The following SAMD12 variants were observed in gnomAD, a reference collection of about 807,000 sequenced individuals.
SAMD12 encodes sterile alpha motif domain containing 12, also known as sterile alpha motif domain-containing protein 12.
A neutral mutation model predicts 15.0 loss-of-function variants in SAMD12; 9 were observed. The ratio of observed to expected loss-of-function variants is 0.60; its 90% confidence interval spans 0.36 to 1.05. The LOEUF (loss-of-function observed/expected upper bound fraction) is 1.05, where lower values mean the gene tolerates loss of function less well. SAMD12 is among the 50% of genes least tolerant of loss of function. The pLI is 0.01. For missense variants in SAMD12, 230 were observed against 234.2 expected, an observed-to-expected ratio of 0.98 and a Z score of 0.12; for synonymous variants, 86 against 90.1, an observed-to-expected ratio of 0.96 and a Z score of 0.25.
chr8:118,489,527 C>T (rs535566373), intron 2 of SAMD12, among the ~76,000 whole-genome samples: 4 of 152,084 alleles, frequency 2.6e-5, no homozygotes, highest in African/African-American at 7.2e-5. Flanking sequence ...TCTAAACAAA[C>T]TCAAATAGAT....
At chr8:118,619,291 C>T (rs1156374068) in intron 1 of SAMD12, among the ~76,000 whole-genome samples, 1 of 151,992 alleles carries the variant, frequency 6.6e-6, no homozygotes, top group African/African-American at 2.4e-5. Context: ...TCCTGGCTAA[C>T]ATGGTGAAAC....
intron 4 of SAMD12, among the ~76,000 whole-genome samples, chr8:118,350,979 T>A (rs1383425549): frequency 6.6e-6 from 1 of 152,212 alleles, no homozygotes; most frequent in African/African-American, 2.4e-5. Context: ...TTTGATCACA[T>A]CCCATCATCT....
chr8:118,385,220 A>G (rs937639683), intron 3 of SAMD12, among the ~76,000 whole-genome samples: 1 of 152,132 alleles, frequency 6.6e-6, no homozygotes, highest in African/African-American at 2.4e-5. Flanking sequence ...GGATGGGATT[A>G]AAATTTAAAT....
At chr8:118,491,447 T>C (rs890346871) in intron 2 of SAMD12, among the ~76,000 whole-genome samples, 1 of 152,174 alleles carries the variant, frequency 6.6e-6, no homozygotes, top group Non-Finnish European at 1.5e-5. Context: ...TTATTCATCA[T>C]TGCATTCTTG....
chr8:118,535,897 G>A (rs145610336), intron 2 of SAMD12, among the ~76,000 whole-genome samples: 2,685 of 152,288 alleles, frequency 0.018, 77 homozygotes, highest in African/African-American at 0.057. Flanking sequence ...TGCACTTCCC[G>A]GGTGAGGCAA....
chr8:118,152,540 C>G, the SAMD12 span, among the ~76,000 whole-genome samples: 2 of 148,436 alleles, frequency 1.3e-5, no homozygotes, highest in Non-Finnish European at 3.0e-5. Context: ...GTTCTTGTGC[C>G]CAGGTTAGAG....
At chr8:118,387,010 T>G (rs1819998614) in intron 3 of SAMD12, among the ~76,000 whole-genome samples, 2 of 152,208 alleles carry the variant, frequency 1.3e-5, no homozygotes. Flanking sequence ...TGGCCCTTTG[T>G]GCACTGGGTT....
intron 2 of SAMD12, among the ~76,000 whole-genome samples, chr8:118,477,033 G>A (rs1016653774): frequency 3.3e-5 from 5 of 151,458 alleles, no homozygotes; most frequent in Non-Finnish European, 5.9e-5. Context: ...TTACAGCACC[G>A]AGATGGACCA....
intron 1 of SAMD12, among the ~76,000 whole-genome samples, chr8:118,596,020 C>G (rs971830093): frequency 1.3e-5 from 2 of 152,156 alleles, no homozygotes; most frequent in African/African-American, 4.8e-5. Flanking sequence ...GGGAGTTAAA[C>G]ATGCTTAAGT....
intron 1 of SAMD12, among the ~76,000 whole-genome samples, chr8:118,586,692 C>T (rs1827455850): frequency 6.6e-6 from 1 of 152,114 alleles, no homozygotes. Flanking sequence ...CCATGTGTTG[C>T]AAATATTTAT....
chr8:118,365,513 T>C (rs919385807), intron 4 of SAMD12, among the ~76,000 whole-genome samples: 1 of 152,112 alleles, frequency 6.6e-6, no homozygotes, highest in African/African-American at 2.4e-5. Flanking sequence ...CTTTTGCCCT[T>C]GGACACTGTA....
chr8:118,368,931 C>T (rs1393274007), intron 4 of SAMD12, among the ~76,000 whole-genome samples: 1 of 152,164 alleles, frequency 6.6e-6, no homozygotes, highest in African/African-American at 2.4e-5. Flanking sequence ...CCCTTAAAAA[C>T]TAGCTCATCT....
At chr8:118,505,464 T>C (rs562106647) in intron 2 of SAMD12, among the ~76,000 whole-genome samples, 2 of 152,166 alleles carry the variant, frequency 1.3e-5, no homozygotes, top group Non-Finnish European at 2.9e-5. Context: ...GGTTGGCTTC[T>C]ATGAAAACCG....
intron 3 of SAMD12, among the ~76,000 whole-genome samples, chr8:118,381,058 C>G (rs1357369871): frequency 6.6e-6 from 1 of 152,130 alleles, no homozygotes; most frequent in Admixed American, 6.6e-5. Context: ...AAATCATTGG[C>G]CAGAACTAGT....
the SAMD12 span, among the ~76,000 whole-genome samples, chr8:118,168,382 G>A: frequency 2.6e-5 from 4 of 152,104 alleles, no homozygotes; most frequent in African/African-American, 7.2e-5. Context: ...AGGCCCCACC[G>A]TGTCATTAGC....
chr8:118,387,107 A>C (rs1270565700), intron 3 of SAMD12, among the ~76,000 whole-genome samples: 2 of 152,222 alleles, frequency 1.3e-5, no homozygotes, highest in Admixed American at 1.3e-4. Flanking sequence ...GGTCCAGAGC[A>C]GCAGGCATGG....
intron 4 of SAMD12, among the ~76,000 whole-genome samples, chr8:118,343,455 C>T (rs1817474858): frequency 6.6e-6 from 1 of 151,964 alleles, no homozygotes; most frequent in Admixed American, 6.6e-5. Flanking sequence ...GCAAGCCAGT[C>T]CCAGCCCTAT....
intron 4 of SAMD12, among the ~76,000 whole-genome samples, chr8:118,274,657 T>C (rs1813433018): frequency 6.6e-6 from 1 of 152,172 alleles, no homozygotes; most frequent in African/African-American, 2.4e-5. Context: ...TTTCCAAATA[T>C]ACATTAAAAT....
At chr8:118,423,114 A>AGGCTCTGGGGCTTGTGCCCAGGGTG (rs1822075328) in intron 3 of SAMD12, among the ~76,000 whole-genome samples, 1 of 152,182 alleles carries the variant, frequency 6.6e-6, no homozygotes. Flanking sequence ...TGCCCAGGGT[A>AGGCTCTGGGGCTTGTGCCCAGGGTG]TCGAGGCTGC....
Sources: gnomAD v4.1 joint callset for allele counts (sites outside exome capture counted in the v4.1 genomes callset) on GRCh38, gnomAD v4.1.1 for gene constraint, MANE v1.5 for transcripts, NCBI Gene and HGNC (gene_info 2026-07-23, HGNC 2026-07-21) for gene names.